The following RRBP1 variants were observed in gnomAD, a reference collection of about 807,000 sequenced individuals.
RRBP1 encodes the protein ribosome-binding protein 1.
Under a neutral mutation model 165.2 loss-of-function variants are expected in RRBP1, and 94 were observed. The ratio of observed to expected loss-of-function variants is 0.57; its 90% confidence interval spans 0.48 to 0.68. RRBP1 has a LOEUF of 0.68. RRBP1 is among the 30% of genes least tolerant of loss of function. The pLI is 0.00. For missense variants in RRBP1, 1,676 were observed against 1,763.0 expected, an observed-to-expected ratio of 0.95 and a Z score of 0.88; for synonymous variants, 680 against 714.5, an observed-to-expected ratio of 0.95 and a Z score of 0.77.
In RRBP1 at chr20:17,615,422, C is replaced by G. The variant is rs750844664; in HGVS notation, c.4050+9G>C. 3.1e-6 allele frequency: 5 copies of G among 1,604,438 alleles called. No individual in the cohort carries two copies. Among genetic ancestry groups the G allele is most frequent in the Non-Finnish European group, 4.3e-6 (5 of 1,175,222 alleles). On this transcript the variant is annotated intron_variant, in intron 23 of 24. Coordinates refer to ENST00000377813, the MANE Select transcript of RRBP1 (RefSeq NM_001365613.2). Reference sequence around the variant, plus strand: ...TCCAGGTGTGACCCCCGCCCCAGCCCCTGCCTGCCTTCAGCTGTGAGGCCT... The same window carrying G: ...TCCAGGTGTGACCCCCGCCCCAGCCGCTGCCTGCCTTCAGCTGTGAGGCCT...
chr20:17,635,190 G>T (rs966790425), intron 7 of RRBP1, among the ~76,000 whole-genome samples: 23 of 152,116 alleles, frequency 1.5e-4, no homozygotes, highest in Non-Finnish European at 1.5e-5. Context: ...CACTTGCTGT[G>T]GGCTGCGGTG....
chr20:17,677,428 TTTAAAG>T lies in RRBP1; in HGVS notation c.-22+2565_-22+2570del, dbSNP rs1226401030. The stretch of plus-strand genomic sequence containing the variant: ...AGCTGTCCATCATTCAGCTTCTTCC[TTTAAAG>T]TTAAACTTTGGTTTTATATTATTCT... On this transcript the variant is annotated intron_variant, in intron 2 of 24. Transcript: ENST00000377813. 3.9e-5 allele frequency among the ~76,000 whole-genome samples: 6 copies of T among 152,366 alleles called. No homozygotes were observed. The East Asian group carries it at 7.7e-4, about 20-fold the overall frequency.
At chr20:17,645,160 T>C (rs1362291792) in intron 3 of RRBP1, among the ~76,000 whole-genome samples, 1 of 152,174 alleles carries the variant, frequency 6.6e-6, no homozygotes, top group African/African-American at 2.4e-5. Context: ...CGGCCCCTAC[T>C]GCACTGCTGG....
intron 9 of RRBP1, among the ~76,000 whole-genome samples, chr20:17,628,947 CAG>C (rs1201045027): frequency 3.9e-5 from 6 of 152,134 alleles, no homozygotes; most frequent in Admixed American, 3.9e-4. Context: ...ACAGTTGTGA[CAG>C]AGACTGGCCA....
At chr20:17,615,011 C>A in intron 23 of RRBP1, 131 bp from the exon 24 acceptor site, 1 of 1,014,748 alleles carries the variant, frequency 9.9e-7, no homozygotes, top group Admixed American at 2.2e-5. Flanking sequence ...CCTGGTCACC[C>A]GGAGATAGGT....
At chr20:17,620,157 A>T in intron 18 of RRBP1, 142 bp downstream of exon 18, 1 of 701,290 alleles carries the variant, frequency 1.4e-6, no homozygotes. Flanking sequence ...AGGATGGACA[A>T]GATCCCTTGG....
At chr20:17,680,973 ACT>A (rs1415455466) in intron 1 of RRBP1, among the ~76,000 whole-genome samples, 3 of 151,882 alleles carry the variant, frequency 2.0e-5, no homozygotes, top group Admixed American at 6.5e-5. Flanking sequence ...CAGCCGGGGC[ACT>A]CTAGAGCTAA....
At chr20:17,673,265 A>T (rs1038779610) in intron 2 of RRBP1, among the ~76,000 whole-genome samples, 1 of 152,214 alleles carries the variant, frequency 6.6e-6, no homozygotes, top group Non-Finnish European at 1.5e-5. Context: ...ACACCCACAC[A>T]GGATCGCTCC....
intron 2 of RRBP1, among the ~76,000 whole-genome samples, chr20:17,660,884 G>C (rs893712196): frequency 6.6e-6 from 1 of 152,216 alleles, no homozygotes; most frequent in African/African-American, 2.4e-5. Flanking sequence ...ACACAGGCCA[G>C]GTGTGAGACC....
chr20:17,620,872 C>T, intron 16 of RRBP1, 65 bp from the exon 17 acceptor site: 2 of 1,183,536 alleles, frequency 1.7e-6, no homozygotes, highest in Admixed American at 4.1e-5. Flanking sequence ...ACAACCGCAT[C>T]TTCCTGTCCC....
rs780092402 is a variant in RRBP1, at chr20:17,627,402, C to G, written c.2929-20G>C. On this transcript the variant is annotated intron_variant, in intron 10 of 24. Coordinates refer to ENST00000377813, the MANE Select transcript of RRBP1 (RefSeq NM_001365613.2). ...GCTGGCCTGGAATGAGAGACAAAAG[C>G]TCCTTGGTCTCCAGGAGACTCATCT... The G allele has an allele frequency of 3.1e-6, 5 of 1,613,844 alleles. No individual in the cohort carries two copies. The South Asian group carries it at 5.5e-5, about 18-fold the overall frequency.
rs1485839973 is a variant in RRBP1, at chr20:17,616,930, C to T, written c.3760-91G>A. The T allele has an allele frequency of 4.3e-5, 44 of 1,030,258 alleles. No homozygotes were observed. The East Asian group carries it at 1.0e-3, about 24-fold the overall frequency. 63.8% of individuals were successfully genotyped at this position (1,030,258 alleles called of 1,614,324 possible). A position where few individuals can be genotyped will look rare whatever the true frequency, so the allele number is the denominator to read the frequency against. On this transcript the variant is annotated intron_variant, in intron 20 of 24. Transcript: ENST00000377813. ...CAGGGACCCCCTCGGAGGACCGTAG[C>T]TGCTCTCAACAGCCAAAGTCCCTTC... is the stretch of plus-strand genomic sequence containing the variant.
rs1568782519 is a variant in RRBP1, at chr20:17,659,721, C to G, written c.787G>C (p.Glu263Gln). The G allele has an allele frequency of 6.4e-7, 1 of 1,550,722 alleles. No individual in the cohort carries two copies. The highest frequency in any genetic ancestry group is 8.7e-7 in the Non-Finnish European group (1 of 1,147,028). ...TTTTTACCCTGGTTCTGGGCCCCCT[C>G]CGCCTTTTTGCCTTGGTTTGGGGTT... ...EGTPNQGKKA[E>Q]GAQNQGKKVD... Residue 263 changes from glutamate to glutamine, a missense_variant, in exon 3 of 25, where the codon GAG (glutamate) becomes CAG (glutamine). Physicochemically the swap from Glu to Gln is conservative, Grantham distance 29. Around this residue, in one of 5 missense-constraint regions of RRBP1, gnomAD observed 392 missense variants for 382.5 expected, o/e 1.02. Coordinates refer to ENST00000377813, the MANE Select transcript of RRBP1 (RefSeq NM_001365613.2).
intron 8 of RRBP1, 93 bp downstream of exon 8, chr20:17,633,367 G>T: frequency 7.2e-7 from 1 of 1,397,168 alleles, no homozygotes; most frequent in Non-Finnish European, 9.8e-7. Flanking sequence ...CGGGTGCCCA[G>T]TGTGGCACGG....
chr20:17,629,374 C>T (rs1046763930), intron 9 of RRBP1, among the ~76,000 whole-genome samples: 2 of 152,244 alleles, frequency 1.3e-5, no homozygotes, highest in African/African-American at 4.8e-5. Context: ...GTAAATCCTG[C>T]CTGGCCTTCT....
chr20:17,624,176 G>T lies in RRBP1; in HGVS notation c.3147+400C>A, dbSNP rs550375517. 3.3e-3 allele frequency among the ~76,000 whole-genome samples: 500 copies of T among 152,378 alleles called. 5 individuals carry two copies. The highest frequency in any genetic ancestry group is 0.012 in the African/African-American group (479 of 41,592). ...CCTCTCTTGGAAAGGAGCAAGTGAAGAAGGGAAGGACGGCAGGGAAGGAGG... is the reference window on the plus strand; with the variant it reads ...CCTCTCTTGGAAAGGAGCAAGTGAATAAGGGAAGGACGGCAGGGAAGGAGG... On this transcript the variant is annotated intron_variant, in intron 13 of 24. Transcript: ENST00000377813.
At chr20:17,638,393 T>G (rs1390496484) in intron 5 of RRBP1, among the ~76,000 whole-genome samples, 1 of 152,152 alleles carries the variant, frequency 6.6e-6, no homozygotes, top group Non-Finnish European at 1.5e-5. Flanking sequence ...TCCTCAGCCC[T>G]CCTCTGCCAC....
chr20:17,635,524 G>A, intron 7 of RRBP1, 22 bp downstream of exon 7: 1 of 1,567,860 alleles, frequency 6.4e-7, no homozygotes. Context: ...GGGAGGTGCT[G>A]AGGCAGGAAA....
At chr20:17,625,484 C>G (rs756888925) in intron 12 of RRBP1, 28 bp downstream of exon 12, 1 of 1,603,954 alleles carries the variant, frequency 6.2e-7, no homozygotes. Flanking sequence ...CTGGCCCGTC[C>G]GTCCCCGCCT....
Sources: gnomAD v4.1 joint callset for allele counts (sites outside exome capture counted in the v4.1 genomes callset) on GRCh38, gnomAD v4.1.1 for gene constraint, gnomAD v4.1.1 regional missense constraint, MANE v1.5 for transcripts, NCBI Gene and HGNC (gene_info 2026-07-23, HGNC 2026-07-21) for gene names.